RPRD1B: variants seen among roughly 807,000 people sequenced by gnomAD.
RPRD1B encodes regulation of nuclear pre-mRNA domain-containing protein 1B.
Under a neutral mutation model 41.5 loss-of-function variants are expected in RPRD1B, and 11 were observed. The ratio of observed to expected loss-of-function variants is 0.27; its 90% CI spans 0.17 to 0.44. The LOEUF is 0.44. Among genes scored for constraint, RPRD1B ranks in the 20% least tolerant of loss-of-function variants. RPRD1B has a pLI of 1.00. For synonymous variants in RPRD1B, 158 were observed against 155.6 expected, an observed-to-expected ratio of 1.02 and a Z score of -0.12; for missense variants, 248 against 389.9, an observed-to-expected ratio of 0.64 and a Z score of 3.06.
chr20:38,067,395 G>C (rs1358861901), intron 6 of RPRD1B, among the ~76,000 whole-genome samples: 4 of 152,206 alleles, frequency 2.6e-5, no homozygotes, highest in African/African-American at 9.6e-5. Context: ...TGTATTTCAA[G>C]AAATACTTCT....
intron 6 of RPRD1B, among the ~76,000 whole-genome samples, chr20:38,073,659 C>T (rs1044655449): frequency 1.9e-4 from 29 of 152,284 alleles, no homozygotes; most frequent in African/African-American, 6.5e-4. Flanking sequence ...AGATAGAGAG[C>T]TCCTTTTTTG....
chr20:38,038,360 G>A (rs906689284), intron 1 of RPRD1B, among the ~76,000 whole-genome samples: 1 of 150,456 alleles, frequency 6.6e-6, no homozygotes, highest in African/African-American at 2.5e-5. Flanking sequence ...CCAGGTGGGA[G>A]TGCAGTTGGC....
At chr20:38,066,011 C>G in intron 5 of RPRD1B, 70 bp from the exon 6 acceptor site, 1 of 1,484,858 alleles carries the variant, frequency 6.7e-7, no homozygotes, top group Non-Finnish European at 9.2e-7. Flanking sequence ...TAACCTCCCC[C>G]AGAAATGTTT....
At chr20:38,051,942 G>A (rs1328442897) in intron 3 of RPRD1B, among the ~76,000 whole-genome samples, 3 of 152,048 alleles carry the variant, frequency 2.0e-5, no homozygotes, top group African/African-American at 7.2e-5. Context: ...GTAGAGATGG[G>A]GTTTCTCCAT....
In RPRD1B at chr20:38,090,359, T is replaced by C; in HGVS notation, c.*484T>C. ...TCCCAGCTGCATCTGCCCCAAAAGG[T>C]TGTAGGCACAGCTGTCGTAGCGTTG... On this transcript the variant is annotated 3_prime_UTR_variant, in exon 7 of 7. Coordinates refer to ENST00000373433, the MANE Select transcript of RPRD1B (RefSeq NM_021215.4). 2 of 986,430 alleles carry C rather than the reference T, an allele frequency of 2.0e-6. No homozygotes were observed. The highest frequency in any genetic ancestry group is 3.5e-5 in the African/African-American group (2 of 57,338). 61.1% of individuals were successfully genotyped at this position (986,430 alleles called of 1,614,324 possible). A position where few individuals can be genotyped will look rare whatever the true frequency, so the allele number is the denominator to read the frequency against.
At chr20:38,057,767 G>GC (rs1026782219) in intron 4 of RPRD1B, 123 bp downstream of exon 4, 87 of 646,510 alleles carry the variant, frequency 1.3e-4, no homozygotes, top group Admixed American at 2.8e-4. Flanking sequence ...CCTCTCAGGG[G>GC]CCCCGTGCAT....
intron 6 of RPRD1B, chr20:38,070,354 A>T: frequency 2.0e-6 from 2 of 985,572 alleles, no homozygotes; most frequent in South Asian, 9.4e-5. Context: ...TGGAGAAGGC[A>T]CGTGGAAGGA....
chr20:38,076,987 A>G (rs547735059), intron 6 of RPRD1B, among the ~76,000 whole-genome samples: 1 of 119,216 alleles, frequency 8.4e-6, no homozygotes, highest in African/African-American at 3.3e-5. Flanking sequence ...TGCGATCTGG[A>G]CTCACTGCAA....
At chr20:38,047,230 C>CA (rs1555799485) in intron 2 of RPRD1B, among the ~76,000 whole-genome samples, 5 of 151,686 alleles carry the variant, frequency 3.3e-5, no homozygotes, top group Non-Finnish European at 7.4e-5. Context: ...AAAAGTTTAA[C>CA]AAAAAAAGAA....
intron 5 of RPRD1B, among the ~76,000 whole-genome samples, chr20:38,065,650 A>AT (rs2074347381): frequency 6.6e-6 from 1 of 152,110 alleles, no homozygotes; most frequent in African/African-American, 2.4e-5. Context: ...TGGTCTGAGT[A>AT]TTTTCCATTC....
At chr20:38,059,368 GTGT>G (rs1407343462) in intron 4 of RPRD1B, 23 bp from the exon 5 acceptor site, 2 of 1,603,262 alleles carry the variant, frequency 1.2e-6, no homozygotes, top group African/African-American at 1.3e-5. Flanking sequence ...TTAATGGGTA[GTGT>G]TGTTTGTGTT....
chr20:38,079,567 A>G (rs1042123953), intron 6 of RPRD1B, among the ~76,000 whole-genome samples: 7 of 152,054 alleles, frequency 4.6e-5, no homozygotes, highest in African/African-American at 4.8e-5. Context: ...ATTCTTTTTT[A>G]TGGCTGCATA....
chr20:38,061,408 C>T (rs1024717668), intron 5 of RPRD1B, among the ~76,000 whole-genome samples: 9 of 152,118 alleles, frequency 5.9e-5, no homozygotes, highest in Non-Finnish European at 8.8e-5. Flanking sequence ...TTGACTTTTC[C>T]TCCTATTTCT....
intron 3 of RPRD1B, among the ~76,000 whole-genome samples, chr20:38,056,402 A>AG (rs2074241705): frequency 6.6e-6 from 1 of 152,166 alleles, no homozygotes; most frequent in African/African-American, 2.4e-5. Flanking sequence ...AAAAAAAAAA[A>AG]TAAAAATAAA....
chr20:38,057,177 A>G (rs142143117), intron 3 of RPRD1B, among the ~76,000 whole-genome samples: 191 of 151,842 alleles, frequency 1.3e-3, no homozygotes, highest in African/African-American at 4.3e-3. Flanking sequence ...ATCTCATTTT[A>G]TACACAATAT....
At chr20:38,035,556 C>T (rs1324083041) in intron 1 of RPRD1B, among the ~76,000 whole-genome samples, 1 of 152,170 alleles carries the variant, frequency 6.6e-6, no homozygotes. Context: ...CCAAATATCG[C>T]GTACTGTACT....
Position 38,091,464 on chromosome 20 carries a change from T to G in RPRD1B, c.*1589T>G. ...GAACCTAGTAGTGTTTGAGCTGTTA[T>G]TCAGATTTGAATTCAGACTGTGTGT... On this transcript the variant is annotated 3_prime_UTR_variant, in exon 7 of 7. Coordinates refer to ENST00000373433, the MANE Select transcript of RPRD1B (RefSeq NM_021215.4). 1 of 985,380 alleles carries G rather than the reference T, an allele frequency of 1.0e-6. No homozygotes were observed. The highest frequency in any genetic ancestry group is 1.2e-6 in the Non-Finnish European group (1 of 829,920). 61.0% of individuals were successfully genotyped at this position (985,380 alleles called of 1,614,324 possible). A position where few individuals can be genotyped will look rare whatever the true frequency, so the allele number is the denominator to read the frequency against.
intron 3 of RPRD1B, among the ~76,000 whole-genome samples, chr20:38,053,243 A>T (rs566930847): frequency 2.4e-4 from 36 of 152,316 alleles, no homozygotes; most frequent in East Asian, 7.7e-4. Flanking sequence ...TTTAATTTTT[A>T]AAAAAATGTA....
chr20:38,089,692 A>C (rs761125047), intron 6 of RPRD1B, 34 bp from the exon 7 acceptor site: 1 of 1,588,704 alleles, frequency 6.3e-7, no homozygotes, highest in East Asian at 2.2e-5. Flanking sequence ...GCACGCACAG[A>C]CTTAACGGTA....
Sources: allele counts gnomAD v4.1 joint callset (sites outside exome capture counted in the v4.1 genomes callset), GRCh38; gene constraint gnomAD v4.1.1; transcripts MANE v1.5; gene names NCBI Gene and HGNC (gene_info 2026-07-23, HGNC 2026-07-21).